The following TCOF1 variants were observed in gnomAD, a reference collection of about 807,000 sequenced individuals.
TCOF1 encodes the protein treacle protein.
Under a neutral mutation model 149.0 loss-of-function variants are expected in TCOF1, and 33 were observed. The ratio of observed to expected loss-of-function variants is 0.22; its 90% CI spans 0.17 to 0.30. The LOEUF is 0.30. Ranked by LOEUF, TCOF1 falls within the 10% of genes least tolerant of loss-of-function variation. The pLI is 1.00. For missense variants in TCOF1, 1,728 were observed against 1,840.7 expected (o/e 0.94, Z 1.12); for synonymous variants, 789 against 738.8 (o/e 1.07, Z -1.10).
intron 18 of TCOF1, among the ~76,000 whole-genome samples, chr5:150,389,106 C>T (rs1034810084): frequency 6.6e-5 from 10 of 152,114 alleles, no homozygotes; most frequent in African/African-American, 2.4e-4. Flanking sequence ...TACATATGTA[C>T]ATATACATAT....
At chr5:150,392,329 TGAGGAA>T in intron 21 of TCOF1, 153 bp downstream of exon 21, 1 of 745,876 alleles carries the variant, frequency 1.3e-6, no homozygotes, top group Non-Finnish European at 2.1e-6. Context: ...TACAACTTCA[TGAGGAA>T]GTCAATCCAA....
intron 3 of TCOF1, among the ~76,000 whole-genome samples, chr5:150,366,148 C>T (rs1031698233): frequency 2.0e-5 from 3 of 148,918 alleles, no homozygotes; most frequent in Non-Finnish European, 4.4e-5. Flanking sequence ...GAAGAGTCCT[C>T]GTTGGCATCC....
chr5:150,358,405 C>T (rs1581005259), intron 1 of TCOF1, among the ~76,000 whole-genome samples: 1 of 152,152 alleles, frequency 6.6e-6, no homozygotes, highest in Non-Finnish European at 1.5e-5. Flanking sequence ...ACTGTTAATC[C>T]GGTACTCAGG....
rs184008851 is a variant in TCOF1 at position 150,387,881 on chromosome 5, G to A, written c.2860-21G>A. 172 of 1,613,498 alleles carry A rather than the reference G, an allele frequency of 1.1e-4. 2 individuals are homozygous for A. In the East Asian group the frequency reaches 3.8e-3, roughly 36 times the overall value. ...CCAAGCCTTTAATCACTGGGGGGGT[G>A]TTTTGTTTTTGTTTTTCAAGGTGAT... On this transcript the variant is annotated intron_variant, in intron 17 of 26. Transcript: ENST00000643257.
At chr5:150,385,136 T>C (rs1180348628) in intron 17 of TCOF1, 1 of 950,192 alleles carries the variant, frequency 1.1e-6, no homozygotes, top group Non-Finnish European at 1.3e-6. Context: ...AACATCATGT[T>C]ATATACCACA....
intron 17 of TCOF1, 165 bp downstream of exon 17, chr5:150,379,897 C>A (rs1050066690): frequency 1.3e-6 from 1 of 793,628 alleles, no homozygotes; most frequent in Non-Finnish European, 2.1e-6. Flanking sequence ...CATGGTGAAA[C>A]CCCGTCTCTA....
Position 150,375,396 on chromosome 5 carries a change from C to T in TCOF1, c.1546C>T (p.Pro516Ser). The T allele has an allele frequency of 1.2e-6, 2 of 1,612,740 alleles. No homozygotes were observed. Among genetic ancestry groups the T allele is most frequent in the Non-Finnish European group, 1.7e-6 (2 of 1,179,804 alleles). Reference sequence around the variant, plus strand: ...ACCTGCCTCTACCATGGGCATGGGGCCCTTGGGGAAAGGCGCCGGCCCAGT... The same window carrying T: ...ACCTGCCTCTACCATGGGCATGGGGTCCTTGGGGAAAGGCGCCGGCCCAGT... Reference protein sequence around the residue: ...VKPASTMGMGPLGKGAGPVPP... With the variant: ...VKPASTMGMGSLGKGAGPVPP... Residue 516 changes from proline to serine, a missense_variant, in exon 11 of 27, where the codon CCC becomes TCC. By Grantham distance (74) the Pro-to-Ser change is moderately conservative. Coordinates refer to ENST00000643257, the MANE Select transcript of TCOF1 (RefSeq NM_001371623.1).
intron 15 of TCOF1, 91 bp downstream of exon 15, chr5:150,379,133 TG>T: frequency 6.2e-7 from 1 of 1,613,748 alleles, no homozygotes; most frequent in Non-Finnish European, 8.5e-7. Flanking sequence ...GGTGCGTGCA[TG>T]GGCAGGCCAC....
chr5:150,397,949 G>T (rs1015824859), intron 24 of TCOF1, among the ~76,000 whole-genome samples: 2 of 152,098 alleles, frequency 1.3e-5, no homozygotes, highest in Admixed American at 6.5e-5. Context: ...TTGAGACAGG[G>T]TCTTGCTCTG....
At chr5:150,381,400 G>C (rs745728278) in intron 17 of TCOF1, among the ~76,000 whole-genome samples, 2 of 152,234 alleles carry the variant, frequency 1.3e-5, no homozygotes, top group Non-Finnish European at 2.9e-5. Flanking sequence ...CGCAGACTAT[G>C]CTAGTGGTGC....
rs375324613 is a variant in TCOF1 at position 150,364,295 on chromosome 5, T to C, written c.304+43T>C. 8 of 1,613,170 alleles carry C rather than the reference T, an allele frequency of 5.0e-6. No homozygotes were observed. The African/African-American group carries it at 9.3e-5, about 19-fold the overall frequency. ...TTGGGAACAGGCTATGGAATATTGA[T>C]TGTTCTAGGGTAGAGTCTACCTCCA... On this transcript the variant is annotated intron_variant, in intron 3 of 26. Coordinates refer to ENST00000643257, the MANE Select transcript of TCOF1 (RefSeq NM_001371623.1).
In TCOF1 at chr5:150,374,158, C is replaced by G. The variant is rs1161550066; in HGVS notation, c.871-16C>G. ...TTCACAAGCAGGAGAGCAAGCTGCC[C>G]TTTCTTTTTCACCAGGTAAAGGCCT... is the stretch of plus-strand genomic sequence containing the variant. On this transcript the variant is annotated splice_polypyrimidine_tract_variant and intron_variant, in intron 7 of 26. Coordinates refer to ENST00000643257, the MANE Select transcript of TCOF1 (RefSeq NM_001371623.1). 3 of 1,607,404 alleles carry G rather than the reference C, an allele frequency of 1.9e-6. No homozygotes were observed. The highest frequency in any genetic ancestry group is 2.5e-6 in the Non-Finnish European group (3 of 1,177,184).
rs760730194 is a variant in TCOF1 at position 150,374,344 on chromosome 5, T to C, written c.1041T>C (p.Ser347=). ...CAGAGAGCAGCAGCGAGGAGTCATC[T>C]GACAGTGAGGAGGAGACGCCAGCTG... ...EDSESSSEES[S]DSEEETPAAK... Residue 347 remains serine (S), a synonymous_variant, in exon 8 of 27, where the codon TCT becomes TCC. Coordinates refer to ENST00000643257, the MANE Select transcript of TCOF1 (RefSeq NM_001371623.1). The C allele has an allele frequency of 6.4e-6, 10 of 1,562,320 alleles. No individual in the cohort carries two copies. The highest frequency in any genetic ancestry group is 8.7e-6 in the Non-Finnish European group (10 of 1,153,048).
intron 17 of TCOF1, chr5:150,383,811 T>G: frequency 6.4e-7 from 1 of 1,551,700 alleles, no homozygotes. Context: ...TACCTTCATG[T>G]GCTCCACTGC....
chr5:150,376,432 G>A lies in TCOF1; in HGVS notation c.2152G>A (p.Val718Met), dbSNP rs778020706. The change falls in exon 14 of 27, where the codon GTG becomes ATG. Residue 718 changes from valine (V) to methionine (M), a missense_variant. This residue lies in a region of TCOF1 where 1,696 missense variants were observed against 1,765.4 expected (regional missense o/e 0.96). Transcript: ENST00000643257. ...LAVTVGQAKSVGKGLQVKAAS... is the reference protein window; with the variant it reads ...LAVTVGQAKSMGKGLQVKAAS... ...CCCCTTGTCATCCCAGGCAAAGTCT[G>A]TGGGGAAAGGCCTCCAGGTGAAAGC... is the stretch of plus-strand genomic sequence containing the variant. 3.7e-6 allele frequency: 6 copies of A among 1,614,176 alleles called. No homozygotes were observed. The highest frequency in any genetic ancestry group is 1.6e-4 in the Middle Eastern group (1 of 6,062).
At position 150,375,864 on chromosome 5, in the gene TCOF1, C is replaced by T. The variant is rs746520220; in HGVS notation, c.1848C>T (p.Asp616=). 5 of 1,613,754 alleles carry T rather than the reference C, an allele frequency of 3.1e-6. No homozygotes were observed. The Admixed American group carries it at 8.3e-5, about 27-fold the overall frequency. ...DNSESSEESS[D]SADSEEAPAA... is the part of the protein sequence containing the mutation. ...CGGAGAGCAGCGAGGAGTCATCGGA[C>T]AGTGCGGACAGTGAGGAGGCACCAG... is the stretch of plus-strand genomic sequence containing the variant. Residue 616 remains aspartate, a synonymous_variant, in exon 12 of 27, where the codon GAC becomes GAT. Transcript: ENST00000643257.
chr5:150,368,007 T>C, intron 4 of TCOF1, 90 bp downstream of exon 4: 1 of 1,433,292 alleles, frequency 7.0e-7, no homozygotes, highest in Non-Finnish European at 9.7e-7. Flanking sequence ...GATAGGGTTG[T>C]GAGTAATTGC....
chr5:150,360,922 G>C (rs1011872842), intron 1 of TCOF1, among the ~76,000 whole-genome samples: 5 of 151,862 alleles, frequency 3.3e-5, no homozygotes, highest in Non-Finnish European at 5.9e-5. Flanking sequence ...TTTTTTTATA[G>C]AGACAGTCTC....
chr5:150,388,224 C>T, intron 18 of TCOF1, 136 bp downstream of exon 18: 1 of 1,139,926 alleles, frequency 8.8e-7, no homozygotes. Context: ...GTCTCTGGGC[C>T]CTGCATTAGC....
Sources: gnomAD v4.1 joint callset for allele counts (sites outside exome capture counted in the v4.1 genomes callset) on GRCh38, gnomAD v4.1.1 for gene constraint, gnomAD v4.1.1 regional missense constraint, MANE v1.5 for transcripts, NCBI Gene and HGNC (gene_info 2026-07-23, HGNC 2026-07-21) for gene names.